The following MTHFD2L variants were observed in gnomAD, a reference collection of about 807,000 sequenced individuals.
MTHFD2L encodes methylenetetrahydrofolate dehydrogenase (NADP+ dependent) 2 like.
A neutral mutation model predicts 34.9 loss-of-function variants in MTHFD2L; 29 were observed. That is an observed-to-expected ratio of 0.83 (90% CI 0.62 to 1.13). MTHFD2L has a LOEUF of 1.13. MTHFD2L is among the 50% of genes most tolerant of loss of function. MTHFD2L has a pLI of 0.00. For missense variants in MTHFD2L, 481 were observed against 446.5 expected (o/e 1.08, Z -0.70); for synonymous variants, 167 against 155.7 (o/e 1.07, Z -0.54).
intron 1 of MTHFD2L, among the ~76,000 whole-genome samples, chr4:74,168,052 GCTT>G (rs1727129410): frequency 1.3e-5 from 2 of 152,088 alleles, no homozygotes; most frequent in African/African-American, 4.8e-5. Flanking sequence ...TACTACACTA[GCTT>G]CTTAGCTGGA....
chr4:74,162,005 TAAG>T (rs1725561184), intron 1 of MTHFD2L: 1 of 152,202 alleles, frequency 6.6e-6, no homozygotes, highest in Non-Finnish European at 1.5e-5. Flanking sequence ...GATTTGCTAT[TAAG>T]AAATTCACTT....
At chr4:74,250,920 C>G (rs1743211307) in intron 6 of MTHFD2L, among the ~76,000 whole-genome samples, 1 of 152,184 alleles carries the variant, frequency 6.6e-6, no homozygotes, top group Admixed American at 6.5e-5. Context: ...GCCTGGAGTT[C>G]TGTGGCAAAA....
intron 6 of MTHFD2L, among the ~76,000 whole-genome samples, chr4:74,255,008 G>A (rs1173019344): frequency 6.6e-6 from 1 of 151,676 alleles, no homozygotes; most frequent in Non-Finnish European, 1.5e-5. Flanking sequence ...GGTGGCAGGT[G>A]CCTGTAATCC....
chr4:74,127,654 T>C (rs62313988), intron 1 of MTHFD2L, among the ~76,000 whole-genome samples: 35 of 152,310 alleles, frequency 2.3e-4, no homozygotes, highest in Non-Finnish European at 4.0e-4. Flanking sequence ...CATCCATTGA[T>C]GGACACTTAG....
At chr4:74,168,571 G>A (rs896992555) in intron 1 of MTHFD2L, among the ~76,000 whole-genome samples, 1 of 152,156 alleles carries the variant, frequency 6.6e-6, no homozygotes, top group Non-Finnish European at 1.5e-5. Flanking sequence ...CTAGAATATA[G>A]TTTCCATAAA....
intron 6 of MTHFD2L, among the ~76,000 whole-genome samples, chr4:74,254,330 C>T (rs1324376070): frequency 1.3e-5 from 2 of 152,012 alleles, no homozygotes; most frequent in East Asian, 1.9e-4. Context: ...TATACCAAAA[C>T]GCATTAAAAT....
chr4:74,265,984 A>G (rs1286103225), intron 6 of MTHFD2L, among the ~76,000 whole-genome samples: 1 of 152,168 alleles, frequency 6.6e-6, no homozygotes, highest in Non-Finnish European at 1.5e-5. Context: ...GTTGAAGTCA[A>G]TTATTTATGT....
At chr4:74,206,770 G>T (rs1735402225) in intron 5 of MTHFD2L, among the ~76,000 whole-genome samples, 1 of 152,058 alleles carries the variant, frequency 6.6e-6, no homozygotes, top group Admixed American at 6.6e-5. Flanking sequence ...AGGAAGTAAA[G>T]TTTCCAATTT....
At chr4:74,190,431 C>T (rs1732267586) in intron 3 of MTHFD2L, 1 of 974,394 alleles carries the variant, frequency 1.0e-6, no homozygotes, top group Non-Finnish European at 1.2e-6. Context: ...GTAAGCCTGC[C>T]TGAGGACATC....
intron 6 of MTHFD2L, among the ~76,000 whole-genome samples, chr4:74,280,734 A>G (rs982360056): frequency 6.6e-6 from 1 of 151,952 alleles, no homozygotes; most frequent in Non-Finnish European, 1.5e-5. Context: ...GTTGCATAAG[A>G]TCTCTGTATA....
chr4:74,122,125 C>T (rs1721796485), upstream of MTHFD2L, among the ~76,000 whole-genome samples: 1 of 151,912 alleles, frequency 6.6e-6, no homozygotes, highest in South Asian at 2.1e-4. Context: ...TGTCCTACTT[C>T]CTGGGGAGAA....
chr4:74,272,777 G>A (rs1746160727), intron 6 of MTHFD2L, among the ~76,000 whole-genome samples: 1 of 152,058 alleles, frequency 6.6e-6, no homozygotes, highest in African/African-American at 2.4e-5. Context: ...TTTTATTTCT[G>A]GCTTAAGGTC....
At chr4:74,160,004 A>G in intron 1 of MTHFD2L, 1 of 1,218,600 alleles carries the variant, frequency 8.2e-7, no homozygotes, top group Non-Finnish European at 1.0e-6. Context: ...TCGGGTGGGG[A>G]GGAATTCGGA....
In MTHFD2L at chr4:74,217,272, T is replaced by C. The variant is rs565535060; in HGVS notation, c.713-8030T>C. On this transcript the variant is annotated intron_variant, in intron 5 of 7. Coordinates refer to ENST00000325278, the MANE Select transcript of MTHFD2L (RefSeq NM_001144978.3). ...TTACCTAGGGTTGCCCCTGACCACC[T>C]TACCAAAATTGCATTTAGTGTCTAT... Among the ~76,000 whole-genome samples, 15 of 152,016 alleles carry C rather than the reference T, an allele frequency of 9.9e-5. No individual in the cohort carries two copies. The South Asian group carries it at 3.1e-3, about 32-fold the overall frequency.
chr4:74,160,170 C>T (rs983474336), intron 1 of MTHFD2L: 2 of 1,052,128 alleles, frequency 1.9e-6, no homozygotes, highest in Non-Finnish European at 2.6e-6. Flanking sequence ...TTGTCTAGTT[C>T]TTCATAGTTA....
In MTHFD2L at chr4:74,225,341, A is replaced by G. The variant is rs1738972625; in HGVS notation, c.752A>G (p.Lys251Arg). Residue 251 changes from lysine (K) to arginine (R), a missense_variant, in exon 6 of 8, where the codon AAA becomes AGA. By Grantham distance (26) the Lys-to-Arg change is conservative (BLOSUM62 2). Transcript: ENST00000325278. ...ACAATAGCTCACAGATACACCCCCA[A>G]AGAGCAACTGAAGATTCATACGCAG... ...TVTIAHRYTPKEQLKIHTQLA... is the reference protein window; with the variant it reads ...TVTIAHRYTPREQLKIHTQLA... 6.2e-7 allele frequency: 1 copy of G among 1,613,244 alleles called. No homozygotes were observed. The highest frequency in any genetic ancestry group is 8.5e-7 in the Non-Finnish European group (1 of 1,179,378).
chr4:74,185,170 AAAAAAAAAAT>A (rs1474305400), intron 3 of MTHFD2L, among the ~76,000 whole-genome samples: 5 of 150,676 alleles, frequency 3.3e-5, no homozygotes, highest in East Asian at 1.9e-4. Context: ...AAAAAAAAAA[AAAAAAAAAAT>A]CTGGAAAATC....
chr4:74,151,249 A>T (rs929237294), intron 1 of MTHFD2L, among the ~76,000 whole-genome samples: 3 of 152,238 alleles, frequency 2.0e-5, no homozygotes, highest in African/African-American at 7.2e-5. Context: ...ATGAAATAAA[A>T]CTTGGTAATC....
chr4:74,137,374 A>G (rs1270075868), intron 1 of MTHFD2L, among the ~76,000 whole-genome samples: 1 of 152,226 alleles, frequency 6.6e-6, no homozygotes, highest in Non-Finnish European at 1.5e-5. Flanking sequence ...AATGCTCAAC[A>G]GTACTATATA....
Sources: allele counts gnomAD v4.1 joint callset (sites outside exome capture counted in the v4.1 genomes callset), GRCh38; gene constraint gnomAD v4.1.1; transcripts MANE v1.5; gene names NCBI Gene and HGNC (gene_info 2026-07-23, HGNC 2026-07-21).